ZNF362: variants seen among roughly 807,000 people sequenced by gnomAD.
ZNF362 encodes the protein zinc finger protein 362.
A neutral mutation model predicts 42.9 loss-of-function variants in ZNF362; 11 were observed. The ratio of observed to expected loss-of-function variants is 0.26; its 90% CI spans 0.16 to 0.42. ZNF362 has a LOEUF of 0.42. Among genes scored for constraint, ZNF362 ranks in the 20% least tolerant of loss-of-function variants. ZNF362 has a pLI of 1.00. For synonymous variants in ZNF362, 255 were observed against 257.3 expected (o/e 0.99, Z 0.09); for missense variants, 362 against 576.2 (o/e 0.63, Z 3.81).
At chr1:33,262,297 C>CTT (rs55730909) in intron 1 of ZNF362, among the ~76,000 whole-genome samples, 105 of 48,088 alleles carry the variant, frequency 2.2e-3, no homozygotes, top group Non-Finnish European at 2.6e-3. Flanking sequence ...CTTTAGGATT[C>CTT]TTTTTTTTTT....
At chr1:33,243,906 C>T in the ZNF362 span, among the ~76,000 whole-genome samples, 1 of 152,086 alleles carries the variant, frequency 6.6e-6, no homozygotes, top group Non-Finnish European at 1.5e-5. Flanking sequence ...GCTACTGTGC[C>T]TGGCCGACTT....
the ZNF362 span, chr1:33,158,235 T>C: frequency 6.2e-7 from 1 of 1,608,492 alleles, no homozygotes; most frequent in African/African-American, 1.3e-5. Context: ...CTCTGGACCA[T>C]GATAACCCAT....
the ZNF362 span, chr1:33,145,578 C>G: frequency 5.6e-6 from 1 of 179,234 alleles, no homozygotes; most frequent in South Asian, 1.1e-4. Flanking sequence ...TTTTAAGAAC[C>G]CCCTGTGTTT....
intron 1 of ZNF362, among the ~76,000 whole-genome samples, chr1:33,259,815 G>C (rs1356887231): frequency 6.6e-6 from 1 of 152,234 alleles, no homozygotes; most frequent in East Asian, 1.9e-4. Context: ...AGAATGGAAA[G>C]CTTGAAGACA....
upstream of ZNF362, among the ~76,000 whole-genome samples, chr1:33,254,274 G>A (rs1040967904): frequency 6.6e-6 from 1 of 152,008 alleles, no homozygotes; most frequent in Admixed American, 6.6e-5. Context: ...CTACAGGCAC[G>A]TGCCACGCCT....
the ZNF362 span, among the ~76,000 whole-genome samples, chr1:33,237,107 G>T: frequency 8.4e-4 from 128 of 151,896 alleles, no homozygotes; most frequent in African/African-American, 3.0e-3. Context: ...ACATCACATC[G>T]TACCTCATAA....
chr1:33,193,004 C>CACACACACACACATATATATATATAT, the ZNF362 span, among the ~76,000 whole-genome samples: 711 of 137,084 alleles, frequency 5.2e-3, 3 homozygotes, highest in Non-Finnish European at 8.5e-3. Context: ...CACACACACA[C>CACACACACACACATATATATATATAT]ATATATATAT....
the ZNF362 span, among the ~76,000 whole-genome samples, chr1:33,211,337 G>A: frequency 6.6e-6 from 1 of 152,190 alleles, no homozygotes; most frequent in Non-Finnish European, 1.5e-5. Flanking sequence ...AGCGTTGATG[G>A]TCTCTACAAT....
chr1:33,178,112 A>G, the ZNF362 span, among the ~76,000 whole-genome samples: 2 of 152,190 alleles, frequency 1.3e-5, no homozygotes, highest in Non-Finnish European at 2.9e-5. Context: ...GTATAGGCCC[A>G]GCTTCCTCTG....
chr1:33,155,141 G>A, the ZNF362 span, among the ~76,000 whole-genome samples: 1 of 149,210 alleles, frequency 6.7e-6, no homozygotes, highest in African/African-American at 2.4e-5. Context: ...GCGCGATCTC[G>A]GCTCATTGCA....
chr1:33,190,161 C>A, the ZNF362 span, among the ~76,000 whole-genome samples: 1 of 152,148 alleles, frequency 6.6e-6, no homozygotes. Flanking sequence ...TGATGGCTCA[C>A]CTCAGTCTTC....
the ZNF362 span, among the ~76,000 whole-genome samples, chr1:33,204,217 A>G: frequency 8.5e-5 from 13 of 152,188 alleles, no homozygotes; most frequent in African/African-American, 3.1e-4. Context: ...AGCACCATCT[A>G]TTGAAGAGGC....
At chr1:33,265,917 C>A (rs1329043551) in intron 1 of ZNF362, among the ~76,000 whole-genome samples, 1 of 152,210 alleles carries the variant, frequency 6.6e-6, no homozygotes, top group African/African-American at 2.4e-5. Context: ...ATACCCCTGA[C>A]CCACGTGATG....
the ZNF362 span, among the ~76,000 whole-genome samples, chr1:33,138,594 A>C: frequency 6.6e-6 from 1 of 150,734 alleles, no homozygotes; most frequent in Non-Finnish European, 1.5e-5. Context: ...TCTGGGTGAC[A>C]GAGCGAGATC....
At chr1:33,217,549 C>T in the ZNF362 span, among the ~76,000 whole-genome samples, 1 of 152,230 alleles carries the variant, frequency 6.6e-6, no homozygotes, top group African/African-American at 2.4e-5. Flanking sequence ...CACCCCCATC[C>T]TACCACTGGG....
chr1:33,176,578 C>T, the ZNF362 span: 1 of 559,264 alleles, frequency 1.8e-6, no homozygotes, highest in Non-Finnish European at 3.3e-6. Context: ...GCCACGTCTG[C>T]TCTGACCAAG....
chr1:33,277,323 G>C (rs1645958469), intron 4 of ZNF362, among the ~76,000 whole-genome samples: 1 of 152,258 alleles, frequency 6.6e-6, no homozygotes, highest in Non-Finnish European at 1.5e-5. Flanking sequence ...TTTACAGCTA[G>C]TAAGAGGCAG....
At chr1:33,250,460 G>A in the ZNF362 span, among the ~76,000 whole-genome samples, 1 of 152,196 alleles carries the variant, frequency 6.6e-6, no homozygotes, top group African/African-American at 2.4e-5. Flanking sequence ...GCTGGAAGCC[G>A]TTATCCTCAG....
At chr1:33,279,646 C>CTTTTTTTT (rs567406398) in intron 4 of ZNF362, among the ~76,000 whole-genome samples, 5 of 147,344 alleles carry the variant, frequency 3.4e-5, no homozygotes, top group Non-Finnish European at 4.5e-5. Flanking sequence ...AGTTAAGCCT[C>CTTTTTTTT]TTTTTTTTTT....
Sources: allele counts gnomAD v4.1 joint callset (sites outside exome capture counted in the v4.1 genomes callset), GRCh38; gene constraint gnomAD v4.1.1; transcripts MANE v1.5; gene names NCBI Gene and HGNC (gene_info 2026-07-23, HGNC 2026-07-21).